The following ATXN7L1 variants were observed in gnomAD, a reference collection of about 807,000 sequenced individuals.
ATXN7L1 encodes ataxin 7 like 1, also known as ataxin-7-like protein 1.
ATXN7L1 carries 15 observed loss-of-function variants against 70.8 expected under a neutral mutation model. That is an observed-to-expected ratio of 0.21 (90% CI 0.14 to 0.33). The LOEUF is 0.33. ATXN7L1 is among the 10% of genes least tolerant of loss of function. The pLI, the probability that ATXN7L1 is intolerant of heterozygous loss-of-function variation, is 1.00. For synonymous variants in ATXN7L1, 440 were observed against 445.1 expected, an observed-to-expected ratio of 0.99 and a Z score of 0.14; for missense variants, 975 against 1,097.1, an observed-to-expected ratio of 0.89 and a Z score of 1.57.
At chr7:105,854,349 A>C (rs1017993946) in intron 2 of ATXN7L1, among the ~76,000 whole-genome samples, 1 of 152,040 alleles carries the variant, frequency 6.6e-6, no homozygotes, top group Non-Finnish European at 1.5e-5. Flanking sequence ...TTCTTGGGAC[A>C]CACAACATCT....
intron 3 of ATXN7L1, among the ~76,000 whole-genome samples, chr7:105,704,513 T>G (rs1792877853): frequency 6.8e-6 from 1 of 147,842 alleles, no homozygotes; most frequent in Non-Finnish European, 1.5e-5. Context: ...ATTCACACAA[T>G]AATGCAATGA....
chr7:105,699,990 T>G (rs1380574486), intron 3 of ATXN7L1, among the ~76,000 whole-genome samples: 4 of 152,146 alleles, frequency 2.6e-5, no homozygotes, highest in Admixed American at 2.6e-4. Flanking sequence ...AATGACAGCC[T>G]GAAGGTGCCC....
chr7:105,735,709 A>G (rs1797297957), intron 3 of ATXN7L1, among the ~76,000 whole-genome samples: 1 of 152,058 alleles, frequency 6.6e-6, no homozygotes, highest in South Asian at 2.1e-4. Context: ...CAGACATTAG[A>G]CCATTTCAGC....
intron 3 of ATXN7L1, among the ~76,000 whole-genome samples, chr7:105,718,320 T>C (rs777424603): frequency 1.1e-4 from 16 of 152,196 alleles, no homozygotes; most frequent in Admixed American, 2.0e-4. Flanking sequence ...TTTGCAGAAT[T>C]GGAGCCAGCA....
intron 2 of ATXN7L1, among the ~76,000 whole-genome samples, chr7:105,824,933 A>C (rs971906453): frequency 2.0e-5 from 3 of 151,744 alleles, no homozygotes; most frequent in African/African-American, 7.2e-5. Context: ...AAAAAAAAAA[A>C]ACAAAAAAAT....
intron 5 of ATXN7L1, among the ~76,000 whole-genome samples, chr7:105,641,164 TC>T (rs1408153991): frequency 2.9e-5 from 4 of 137,344 alleles, no homozygotes; most frequent in East Asian, 4.3e-4. Context: ...CCAAAATGCC[TC>T]CCCCCTTTTT....
chr7:105,868,207 T>G (rs1195325247), intron 2 of ATXN7L1, among the ~76,000 whole-genome samples: 2 of 152,082 alleles, frequency 1.3e-5, no homozygotes, highest in Non-Finnish European at 2.9e-5. Context: ...AGCCCCTACC[T>G]CAGTGAGGCC....
intron 3 of ATXN7L1, among the ~76,000 whole-genome samples, chr7:105,687,638 T>C (rs887657457): frequency 6.6e-6 from 1 of 152,216 alleles, no homozygotes; most frequent in Non-Finnish European, 1.5e-5. Flanking sequence ...CCACCCAGGC[T>C]GTTTCATTTT....
At chr7:105,863,522 C>T (rs576999834) in intron 2 of ATXN7L1, among the ~76,000 whole-genome samples, 42 of 152,354 alleles carry the variant, frequency 2.8e-4, no homozygotes, top group Non-Finnish European at 5.1e-4. Context: ...CCCACGTGAG[C>T]CCCTCCTTAA....
intron 2 of ATXN7L1, among the ~76,000 whole-genome samples, chr7:105,805,658 G>A (rs1457328120): frequency 6.6e-6 from 1 of 152,202 alleles, no homozygotes; most frequent in African/African-American, 2.4e-5. Context: ...CTCATGCTGC[G>A]GCAGAGGGCA....
At chr7:105,707,364 A>C (rs146162250) in intron 3 of ATXN7L1, among the ~76,000 whole-genome samples, 2,218 of 152,306 alleles carry the variant, frequency 0.015, 27 homozygotes, top group Middle Eastern at 0.054. Context: ...TGAAGAAGTC[A>C]AGGCAGCGAG....
At chr7:105,662,980 C>T (rs930874724) in intron 4 of ATXN7L1, among the ~76,000 whole-genome samples, 2 of 152,220 alleles carry the variant, frequency 1.3e-5, no homozygotes, top group African/African-American at 4.8e-5. Context: ...ATTGGCCCCA[C>T]TTTACAGATG....
chr7:105,729,277 A>AAATG (rs529470626), intron 3 of ATXN7L1, among the ~76,000 whole-genome samples: 17,593 of 138,468 alleles, frequency 0.13, 1,277 homozygotes, highest in East Asian at 0.29. Context: ...TATCAATAAT[A>AAATG]AATGAATGAA....
chr7:105,693,889 G>A (rs1006756042), intron 3 of ATXN7L1, among the ~76,000 whole-genome samples: 2 of 152,130 alleles, frequency 1.3e-5, no homozygotes, highest in Non-Finnish European at 2.9e-5. Context: ...GCAGTTGCCT[G>A]ATACATCACA....
At position 105,662,079 on chromosome 7, in the gene ATXN7L1, CTTCT is replaced by C. The variant is rs1562967721; in HGVS notation, c.578+2983_578+2986del. ...CCTTCCTTCCTTCCTTCCTTCCTTCCTTCTTTCTTTTCTTTTCTTTTCTTTTCTT... is the reference window on the plus strand; with the variant it reads ...CCTTCCTTCCTTCCTTCCTTCCTTCCTTCTTTTCTTTTCTTTTCTTTTCTT... On this transcript the variant is annotated intron_variant, in intron 4 of 11. Transcript: ENST00000419735. 6.9e-3 allele frequency among the ~76,000 whole-genome samples: 506 copies of C among 73,046 alleles called. 6 individuals are homozygous for C. The highest frequency in any genetic ancestry group is 0.017 in the African/African-American group (434 of 25,284). The allele number at this position is 73,046 out of a possible 152,430, so 47.9% of individuals were successfully genotyped here.
chr7:105,712,552 G>A (rs1438440047), intron 3 of ATXN7L1, among the ~76,000 whole-genome samples: 2 of 152,148 alleles, frequency 1.3e-5, no homozygotes, highest in African/African-American at 4.8e-5. Flanking sequence ...AATTTCTTCT[G>A]CCAGATACCC....
chr7:105,702,402 C>A (rs1375035814), intron 3 of ATXN7L1, among the ~76,000 whole-genome samples: 1 of 152,098 alleles, frequency 6.6e-6, no homozygotes, highest in Non-Finnish European at 1.5e-5. Flanking sequence ...TTTATCATCC[C>A]AACTAGACAG....
chr7:105,724,800 TA>T (rs1795612764), intron 3 of ATXN7L1, among the ~76,000 whole-genome samples: 1 of 133,084 alleles, frequency 7.5e-6, no homozygotes, highest in Admixed American at 7.6e-5. Context: ...TCTCTGGTTC[TA>T]AACCTTCTCT....
chr7:105,780,323 C>T (rs896738167), intron 3 of ATXN7L1, among the ~76,000 whole-genome samples: 8 of 152,202 alleles, frequency 5.3e-5, no homozygotes, highest in Admixed American at 4.6e-4. Flanking sequence ...CCATGCCTCA[C>T]TCCAGGGGTG....
Sources: allele counts gnomAD v4.1 joint callset (sites outside exome capture counted in the v4.1 genomes callset), GRCh38; gene constraint gnomAD v4.1.1; transcripts MANE v1.5; gene names NCBI Gene and HGNC (gene_info 2026-07-23, HGNC 2026-07-21).